Variants in QKI observed in about 807,000 individuals in gnomAD.
The protein encoded by QKI is QKI, KH domain containing RNA binding.
A neutral mutation model predicts 39.0 loss-of-function variants in QKI; 10 were observed. That is an observed-to-expected ratio of 0.26 (90% CI 0.16 to 0.43). The LOEUF is 0.43. Among genes scored for constraint, QKI ranks in the 20% least tolerant of loss-of-function variants. The probability of loss-of-function intolerance (pLI) is 1.00; values close to 1 mark genes in which losing one functional copy is unlikely to be tolerated. For synonymous variants in QKI, 204 were observed against 155.4 expected (o/e 1.31, Z -2.33); for missense variants, 218 against 428.0 (o/e 0.51, Z 4.33).
intron 3 of QKI, among the ~76,000 whole-genome samples, chr6:163,521,625 C>T (rs986406865): frequency 4.6e-5 from 7 of 152,052 alleles, no homozygotes; most frequent in Non-Finnish European, 8.8e-5. Flanking sequence ...TGGGTTCAAG[C>T]GATTCTCCTG....
chr6:163,530,216 G>A (rs981863299), intron 3 of QKI, among the ~76,000 whole-genome samples: 1 of 152,066 alleles, frequency 6.6e-6, no homozygotes, highest in Non-Finnish European at 1.5e-5. Flanking sequence ...AAAAAGAAAC[G>A]AATGCCTCGT....
chr6:163,503,008 CTA>C (rs1418394400), intron 3 of QKI, among the ~76,000 whole-genome samples: 1 of 152,038 alleles, frequency 6.6e-6, no homozygotes, highest in African/African-American at 2.4e-5. Flanking sequence ...TCAACAGCAT[CTA>C]TGTTTTTTTG....
intron 2 of QKI, among the ~76,000 whole-genome samples, chr6:163,471,656 TAGA>T (rs1337075091): frequency 1.3e-5 from 2 of 152,028 alleles, no homozygotes; most frequent in Non-Finnish European, 2.9e-5. Context: ...TCCAAACTAA[TAGA>T]AGAAGAGAAC....
At chr6:163,536,743 T>A (rs1210955460) in intron 4 of QKI, among the ~76,000 whole-genome samples, 3 of 152,202 alleles carry the variant, frequency 2.0e-5, no homozygotes, top group African/African-American at 7.2e-5. Flanking sequence ...AGTTCCTTCA[T>A]CTTCACTATA....
chr6:163,518,819 TCAAA>T (rs1337581582), intron 3 of QKI, among the ~76,000 whole-genome samples: 1 of 152,144 alleles, frequency 6.6e-6, no homozygotes, highest in African/African-American at 2.4e-5. Context: ...ACAAAGAAAA[TCAAA>T]CTAACTCAAT....
chr6:163,456,237 T>C (rs1790901730), intron 2 of QKI, among the ~76,000 whole-genome samples: 1 of 152,206 alleles, frequency 6.6e-6, no homozygotes, highest in African/African-American at 2.4e-5. Context: ...CTACTCACTG[T>C]TTCACGTTGT....
At chr6:163,496,686 C>T (rs1434206486) in intron 3 of QKI, among the ~76,000 whole-genome samples, 2 of 152,172 alleles carry the variant, frequency 1.3e-5, no homozygotes, top group African/African-American at 2.4e-5. Context: ...TTTGCCTCCT[C>T]TTTGTGTATT....
intron 4 of QKI, among the ~76,000 whole-genome samples, chr6:163,540,344 A>G (rs1323261580): frequency 6.6e-6 from 1 of 152,164 alleles, no homozygotes; most frequent in Non-Finnish European, 1.5e-5. Context: ...AGACTAATAA[A>G]TCTGATTAAA....
chr6:163,447,638 GT>G (rs1790253760), intron 1 of QKI, among the ~76,000 whole-genome samples: 1 of 152,050 alleles, frequency 6.6e-6, no homozygotes, highest in Non-Finnish European at 1.5e-5. Flanking sequence ...CTGAGCATTA[GT>G]TGTTTTTTCT....
chr6:163,524,913 C>T (rs1219527907), intron 3 of QKI, among the ~76,000 whole-genome samples: 3 of 152,130 alleles, frequency 2.0e-5, no homozygotes, highest in Non-Finnish European at 4.4e-5. Context: ...CTCATTGTAG[C>T]TCTGAGATGT....
intron 3 of QKI, among the ~76,000 whole-genome samples, chr6:163,528,686 C>G (rs1458788207): frequency 3.3e-5 from 5 of 152,102 alleles, no homozygotes; most frequent in Admixed American, 3.3e-4. Context: ...GTATACTTGT[C>G]AAGAATACAG....
chr6:163,527,789 T>G (rs1780607555), intron 3 of QKI, among the ~76,000 whole-genome samples: 1 of 152,208 alleles, frequency 6.6e-6, no homozygotes, highest in African/African-American at 2.4e-5. Flanking sequence ...TGAAAAGTGG[T>G]AAAATTTAGT....
chr6:163,471,277 A>G (rs1167007992), intron 2 of QKI, among the ~76,000 whole-genome samples: 5 of 152,156 alleles, frequency 3.3e-5, no homozygotes, highest in Middle Eastern at 3.2e-3. Flanking sequence ...ATTTTCAGAT[A>G]AGGAAAAATG....
At chr6:163,570,340 C>A (rs1350385678) in intron 7 of QKI, 2 of 983,126 alleles carry the variant, frequency 2.0e-6, no homozygotes, top group African/African-American at 1.8e-5. Context: ...TTTAAAAATT[C>A]TGTATACCAA....
intron 3 of QKI, among the ~76,000 whole-genome samples, chr6:163,532,664 G>C (rs538728544): frequency 6.6e-6 from 1 of 152,278 alleles, no homozygotes; most frequent in South Asian, 2.1e-4. Context: ...TTTCAGTCTT[G>C]TTCTTTTCTA....
chr6:163,417,078 ATTAT>A (rs1178461385), intron 1 of QKI, among the ~76,000 whole-genome samples: 1 of 152,210 alleles, frequency 6.6e-6, no homozygotes, highest in African/African-American at 2.4e-5. Flanking sequence ...TAAGTTATAG[ATTAT>A]TTGATTTGTC....
chr6:163,535,218 T>C, intron 4 of QKI, 93 bp downstream of exon 4: 1 of 1,252,708 alleles, frequency 8.0e-7, no homozygotes. Flanking sequence ...AATAGGTTAT[T>C]GGTTGTTAGA....
At chr6:163,466,474 A>C (rs893516616) in intron 2 of QKI, among the ~76,000 whole-genome samples, 7 of 152,150 alleles carry the variant, frequency 4.6e-5, no homozygotes, top group African/African-American at 1.7e-4. Flanking sequence ...AAGACATTGC[A>C]GTTCCTGATT....
chr6:163,474,184 G>A (rs1792409119), intron 2 of QKI, among the ~76,000 whole-genome samples: 1 of 152,134 alleles, frequency 6.6e-6, no homozygotes, highest in African/African-American at 2.4e-5. Context: ...ATTTTAATGT[G>A]ATAAAGTGTA....
Sources: gnomAD v4.1 joint callset for allele counts (sites outside exome capture counted in the v4.1 genomes callset) on GRCh38, gnomAD v4.1.1 for gene constraint, MANE v1.5 for transcripts, NCBI Gene and HGNC (gene_info 2026-07-23, HGNC 2026-07-21) for gene names.